The following JADE1 variants were observed in gnomAD, a reference collection of about 807,000 sequenced individuals.
The protein encoded by JADE1 is jade family PHD finger 1, also known as protein Jade-1.
JADE1 carries 14 observed loss-of-function variants against 81.8 expected under a neutral mutation model. The ratio of observed to expected loss-of-function variants is 0.17; its 90% CI spans 0.11 to 0.27. JADE1 has a LOEUF of 0.27. Among genes scored for constraint, JADE1 ranks in the 10% least tolerant of loss-of-function variants. JADE1 has a pLI of 1.00. For synonymous variants in JADE1, 353 were observed against 391.9 expected (o/e 0.90, Z 1.17); for missense variants, 690 against 1,047.9 (o/e 0.66, Z 4.71).
At chr4:128,841,339 C>G (rs189031729) in intron 2 of JADE1, among the ~76,000 whole-genome samples, 1 of 152,062 alleles carries the variant, frequency 6.6e-6, no homozygotes, top group Non-Finnish European at 1.5e-5. Flanking sequence ...GGCAGCAGTA[C>G]GGCACCCACA....
chr4:128,852,230 A>G lies in JADE1; in HGVS notation c.658A>G (p.Met220Val). Reference protein sequence around the residue: ...QSPDGEDGNEMVFCDKCNICV... With the variant: ...QSPDGEDGNEVVFCDKCNICV... ...TCCTGATGGTGAGGACGGCAATGAG[A>G]TGGTGTTCTGTGACAAATGCAACAT... The change falls in exon 6 of 11, where the codon ATG (methionine) becomes GTG (valine). Residue 220 changes from methionine (M) to valine (V), a missense_variant. By Grantham distance (21) the Met-to-Val change is conservative (BLOSUM62 1). Around this residue, in one of 8 missense-constraint regions of JADE1, gnomAD observed 84 missense variants for 226.6 expected, o/e 0.37. Coordinates refer to ENST00000226319, the MANE Select transcript of JADE1 (RefSeq NM_199320.4). 1 of 1,614,078 alleles carries G rather than the reference A, an allele frequency of 6.2e-7. No homozygotes were observed. The highest frequency in any genetic ancestry group is 8.5e-7 in the Non-Finnish European group (1 of 1,179,966).
intron 2 of JADE1, among the ~76,000 whole-genome samples, chr4:128,839,509 T>C (rs1053916697): frequency 2.6e-5 from 4 of 152,232 alleles, no homozygotes; most frequent in Non-Finnish European, 5.9e-5. Context: ...TTGATACGTT[T>C]TGACATGTTT....
In JADE1 at chr4:128,861,942, G is replaced by A. The variant is rs901860057; in HGVS notation, c.1220G>A (p.Arg407Gln). 4.3e-6 allele frequency: 7 copies of A among 1,613,992 alleles called. No individual in the cohort carries two copies. The highest frequency in any genetic ancestry group is 4.0e-5 in the African/African-American group (3 of 74,914). ...LEPFASLEQN[R>Q]EEAHRVSVRK... Reference sequence around the variant, plus strand: ...CCCTTTGCCAGCCTTGAGCAGAACCGGGAGGAGGCCCACCGGGTGAGTGTC... The same window carrying A: ...CCCTTTGCCAGCCTTGAGCAGAACCAGGAGGAGGCCCACCGGGTGAGTGTC... The change falls in exon 9 of 11, where the codon CGG becomes CAG. Residue 407 changes from arginine to glutamine, a missense_variant. This residue lies in a region of JADE1 where 63 missense variants were observed against 138.4 expected (regional missense o/e 0.46). Transcript: ENST00000226319.
rs551722130 is a variant in JADE1 at position 128,846,136 on chromosome 4, G to A, written c.139-239G>A. ...ATTTTTTGTTGTTTTTGTTGACGTT[G>A]TTGTGGACACTATGGACTGAGGGAG... On this transcript the variant is annotated intron_variant, in intron 3 of 10. Coordinates refer to ENST00000226319, the MANE Select transcript of JADE1 (RefSeq NM_199320.4). This position sits in a 1 kb window ranked among gnomAD's most constrained non-coding sequence, Gnocchi z 4.0. Among the ~76,000 whole-genome samples the A allele has an allele frequency of 2.0e-5, 3 of 152,206 alleles. No individual in the cohort carries two copies. The East Asian group carries it at 5.8e-4, about 29-fold the overall frequency.
At chr4:128,825,256 T>G (rs1319680098) in intron 1 of JADE1, among the ~76,000 whole-genome samples, 4 of 152,118 alleles carry the variant, frequency 2.6e-5, no homozygotes, top group Non-Finnish European at 5.9e-5. Flanking sequence ...GCTAGGCTGG[T>G]CTTAAACTCC....
intron 7 of JADE1, among the ~76,000 whole-genome samples, chr4:128,856,516 C>T (rs17013827): frequency 0.022 from 3,346 of 152,246 alleles, 101 homozygotes; most frequent in African/African-American, 0.072. Context: ...AGTTGAGGCA[C>T]CACCATGGTT....
At chr4:128,844,691 G>A (rs1729719409) in intron 3 of JADE1, among the ~76,000 whole-genome samples, 1 of 152,064 alleles carries the variant, frequency 6.6e-6, no homozygotes, top group South Asian at 2.1e-4. Context: ...CTGCTTCTGC[G>A]GCTCTATGCT....
chr4:128,820,747 CGGATAGT>C (rs1333237574), intron 1 of JADE1, among the ~76,000 whole-genome samples: 2 of 151,346 alleles, frequency 1.3e-5, no homozygotes, highest in Admixed American at 1.3e-4. Context: ...TTAGTGGTAA[CGGATAGT>C]TTCTGACAAC....
intron 8 of JADE1, among the ~76,000 whole-genome samples, chr4:128,860,134 C>T (rs528973518): frequency 3.3e-5 from 5 of 152,190 alleles, no homozygotes; most frequent in Non-Finnish European, 7.4e-5. Flanking sequence ...CTTTTACTTC[C>T]CACTTGGCTG....
At chr4:128,838,222 A>T (rs570185179) in intron 2 of JADE1, among the ~76,000 whole-genome samples, 1 of 152,326 alleles carries the variant, frequency 6.6e-6, no homozygotes, top group South Asian at 2.1e-4. Flanking sequence ...TGGGGATATT[A>T]AAAACAAGAC....
At position 128,871,722 on chromosome 4, in the gene JADE1, T is replaced by A; in HGVS notation, c.1989T>A (p.Arg663=). 1.2e-6 allele frequency: 2 copies of A among 1,614,056 alleles called. No homozygotes were observed. Among genetic ancestry groups the A allele is most frequent in the African/African-American group, 1.3e-5 (1 of 74,998 alleles). ...ACCATGGGAAAAGAAGAGACAATCG[T>A]TTTCATTGTGATCTCATTAAAGGAG... ...MPDHGKRRDN[R]FHCDLIKGDL... Residue 663 remains arginine (R), a synonymous_variant, in exon 11 of 11, where the codon CGT becomes CGA. Coordinates refer to ENST00000226319, the MANE Select transcript of JADE1 (RefSeq NM_199320.4). The surrounding 1 kb of genome is among the most constrained non-coding windows in gnomAD (Gnocchi z 4.1).
At chr4:128,837,420 A>G (rs1249639413) in intron 2 of JADE1, among the ~76,000 whole-genome samples, 1 of 152,162 alleles carries the variant, frequency 6.6e-6, no homozygotes, top group African/African-American at 2.4e-5. Flanking sequence ...CTTTGAATGT[A>G]TGTATGATGC....
intron 2 of JADE1, among the ~76,000 whole-genome samples, chr4:128,838,430 A>G (rs1418154997): frequency 1.3e-5 from 2 of 152,182 alleles, no homozygotes; most frequent in Non-Finnish European, 2.9e-5. Flanking sequence ...AGAGTTCCTA[A>G]CTCCTTTCCT....
Position 128,846,444 on chromosome 4 carries a change from T to C in JADE1, c.208T>C (p.Tyr70His). 6.2e-7 allele frequency: 1 copy of C among 1,614,112 alleles called. No individual in the cohort carries two copies. Among genetic ancestry groups the C allele is most frequent in the Non-Finnish European group, 8.5e-7 (1 of 1,180,006 alleles). ...CTACCAGCTGAATCCGGATGAGTAC[T>C]ATGTGTTGGCAGATCCCTGGAGACA... ...DSYQLNPDEYYVLADPWRQEW... is the reference protein window; with the variant it reads ...DSYQLNPDEYHVLADPWRQEW... The change falls in exon 4 of 11, where the codon TAT (tyrosine) becomes CAT (histidine). Residue 70 changes from tyrosine to histidine, a missense_variant. Physicochemically the swap from Tyr to His is moderately conservative, Grantham distance 83 (BLOSUM62 2). Transcript: ENST00000226319. The surrounding 1 kb of genome is among the most constrained non-coding windows in gnomAD (Gnocchi z 4.0).
At chr4:128,858,717 C>G (rs1731015456) in intron 8 of JADE1, among the ~76,000 whole-genome samples, 1 of 151,774 alleles carries the variant, frequency 6.6e-6, no homozygotes. Flanking sequence ...ATTCTCCTGC[C>G]TCAGCCTCCT....
At chr4:128,821,997 C>T (rs1727617390) in intron 1 of JADE1, among the ~76,000 whole-genome samples, 1 of 152,140 alleles carries the variant, frequency 6.6e-6, no homozygotes, top group East Asian at 1.9e-4. Flanking sequence ...CATTTTATGG[C>T]ATTATTACCT....
chr4:128,868,402 T>C lies in JADE1; in HGVS notation c.1621+429T>C, dbSNP rs539834067. Among the ~76,000 whole-genome samples the C allele has an allele frequency of 5.3e-5, 8 of 152,360 alleles. No individual in the cohort carries two copies. In the South Asian group the frequency reaches 1.4e-3, roughly 28 times the overall value. The stretch of plus-strand genomic sequence containing the variant: ...TCTGTAACATGGTAAATATGGTCAA[T>C]ATATGTTAAGACTGTACTTAAGACA... On this transcript the variant is annotated intron_variant, in intron 10 of 10. Coordinates refer to ENST00000226319, the MANE Select transcript of JADE1 (RefSeq NM_199320.4).
chr4:128,852,753 T>C (rs1475854147), intron 6 of JADE1, among the ~76,000 whole-genome samples: 5 of 152,190 alleles, frequency 3.3e-5, no homozygotes, highest in Non-Finnish European at 5.9e-5. Context: ...AAGTCCAGAA[T>C]TGAGGTGGTG....
rs181893089 is a variant in JADE1, at chr4:128,872,899, G to A, written c.*637G>A. The A allele has an allele frequency of 1.3e-5, 6 of 456,282 alleles. No individual in the cohort carries two copies. The highest frequency in any genetic ancestry group is 2.2e-5 in the Non-Finnish European group (5 of 226,604). 28.3% of individuals were successfully genotyped at this position (456,282 alleles called of 1,614,324 possible). A position where few individuals can be genotyped will look rare whatever the true frequency, so the allele number is the denominator to read the frequency against. ...CAGGGTAGAGCTGCTGCAATATGGA[G>A]ATTTAGGGTAATATGGCAAGGTCCT... is the stretch of plus-strand genomic sequence containing the variant. On this transcript the variant is annotated 3_prime_UTR_variant, in exon 11 of 11. Transcript: ENST00000226319.
Sources: gnomAD v4.1 joint callset for allele counts (sites outside exome capture counted in the v4.1 genomes callset) on GRCh38, gnomAD v4.1.1 for gene constraint, gnomAD v4.1.1 regional missense constraint, Gnocchi (gnomAD v3.1) non-coding constraint, MANE v1.5 for transcripts, NCBI Gene and HGNC (gene_info 2026-07-23, HGNC 2026-07-21) for gene names.